The following TRIQK variants were observed in gnomAD, a reference collection of about 807,000 sequenced individuals.
TRIQK encodes the protein triple QxxK/R motif containing.
Under a neutral mutation model 10.8 loss-of-function variants are expected in TRIQK, and 10 were observed. The ratio of observed to expected loss-of-function variants is 0.92; its 90% CI spans 0.57 to 1.57. The LOEUF is 1.57. TRIQK is among the 40% of genes most tolerant of loss of function. TRIQK has a pLI of 0.00. For synonymous variants in TRIQK, 33 were observed against 33.7 expected, an observed-to-expected ratio of 0.98 and a Z score of 0.07; for missense variants, 107 against 97.7, an observed-to-expected ratio of 1.09 and a Z score of -0.40.
At chr8:92,998,317 TAA>T (rs980693543) in intron 1 of TRIQK, among the ~76,000 whole-genome samples, 7 of 152,114 alleles carry the variant, frequency 4.6e-5, no homozygotes, top group Middle Eastern at 3.4e-3. Context: ...TCAGTTATAA[TAA>T]AAAAGAGAGA....
chr8:93,015,632 C>T (rs1813378199), intron 1 of TRIQK, among the ~76,000 whole-genome samples: 1 of 152,008 alleles, frequency 6.6e-6, no homozygotes. Flanking sequence ...AGGGTATTGG[C>T]ATGCTCTCAT....
At chr8:92,988,663 A>G (rs1400971672) in intron 1 of TRIQK, among the ~76,000 whole-genome samples, 1 of 152,208 alleles carries the variant, frequency 6.6e-6, no homozygotes, top group Non-Finnish European at 1.5e-5. Flanking sequence ...AAAATTGGTC[A>G]ACTCAGAAGA....
At chr8:93,001,707 A>C (rs192897514) in intron 1 of TRIQK, among the ~76,000 whole-genome samples, 3 of 152,348 alleles carry the variant, frequency 2.0e-5, no homozygotes, top group African/African-American at 7.2e-5. Context: ...TCAATATACC[A>C]CTTTCAAAGG....
chr8:92,952,313 G>C (rs994449028), intron 2 of TRIQK, among the ~76,000 whole-genome samples: 1 of 151,916 alleles, frequency 6.6e-6, no homozygotes, highest in Non-Finnish European at 1.5e-5. Context: ...CAGAAATGAA[G>C]AGTGCCTTTG....
At chr8:92,997,359 T>G (rs1003995849) in intron 1 of TRIQK, among the ~76,000 whole-genome samples, 12 of 152,042 alleles carry the variant, frequency 7.9e-5, no homozygotes, top group African/African-American at 2.9e-4. Context: ...ATTTGCATAT[T>G]AAAAGAAAGG....
At chr8:92,989,288 T>C (rs1055618396) in intron 1 of TRIQK, among the ~76,000 whole-genome samples, 4 of 152,142 alleles carry the variant, frequency 2.6e-5, no homozygotes, top group Non-Finnish European at 5.9e-5. Flanking sequence ...ATCAAAACCA[T>C]TTAAGCAGGG....
chr8:92,924,718 A>T (rs1810357752), intron 2 of TRIQK, among the ~76,000 whole-genome samples: 1 of 151,866 alleles, frequency 6.6e-6, no homozygotes, highest in South Asian at 2.1e-4. Flanking sequence ...ATGCAGTATT[A>T]TAAGTAATAT....
chr8:92,953,693 T>C (rs1180556764), intron 2 of TRIQK: 1 of 151,956 alleles, frequency 6.6e-6, no homozygotes, highest in Admixed American at 6.6e-5. Context: ...AGAATAACGA[T>C]GAGCAGAGTT....
intron 1 of TRIQK, among the ~76,000 whole-genome samples, chr8:92,976,036 G>T (rs1013110269): frequency 2.6e-5 from 4 of 151,726 alleles, no homozygotes; most frequent in African/African-American, 9.7e-5. Context: ...TACTTTCTAT[G>T]ATTTTCATTA....
chr8:92,959,477 GCA>G (rs1421679595), intron 1 of TRIQK, among the ~76,000 whole-genome samples: 20 of 99,698 alleles, frequency 2.0e-4, no homozygotes, highest in African/African-American at 6.5e-4. Flanking sequence ...TTATATATAT[GCA>G]TACACACACA....
chr8:92,913,242 A>G (rs986778420), intron 3 of TRIQK, among the ~76,000 whole-genome samples: 1 of 152,146 alleles, frequency 6.6e-6, no homozygotes, highest in Non-Finnish European at 1.5e-5. Context: ...AGAAGCATTT[A>G]ACACAAAGTT....
intron 1 of TRIQK, chr8:92,963,893 CAA>C (rs750395280): frequency 1.6e-4 from 16 of 99,324 alleles, no homozygotes; most frequent in Non-Finnish European, 1.5e-4. Flanking sequence ...AACTCCGTCT[CAA>C]AAAAAAAAAA....
chr8:93,009,505 A>G (rs577907319), intron 1 of TRIQK, among the ~76,000 whole-genome samples: 2 of 152,220 alleles, frequency 1.3e-5, no homozygotes, highest in South Asian at 2.1e-4. Context: ...GCTACTCGGG[A>G]GGCTGAGGCA....
At chr8:92,998,933 T>G in intron 1 of TRIQK, among the ~76,000 whole-genome samples, 1 of 151,978 alleles carries the variant, frequency 6.6e-6, no homozygotes, top group East Asian at 1.9e-4. Context: ...CATTAGAAAA[T>G]CTCTCAGGTA....
At chr8:92,984,523 TCTTA>T (rs1184318224) in intron 1 of TRIQK, among the ~76,000 whole-genome samples, 2 of 152,232 alleles carry the variant, frequency 1.3e-5, no homozygotes, top group South Asian at 2.1e-4. Flanking sequence ...ATAATATAGG[TCTTA>T]CTTAATCTAA....
chr8:92,981,394 CAAAT>C (rs899462388), intron 1 of TRIQK, among the ~76,000 whole-genome samples: 27 of 151,810 alleles, frequency 1.8e-4, no homozygotes, highest in Non-Finnish European at 2.9e-4. Context: ...TTGTGTTACA[CAAAT>C]AGTTTATATC....
At chr8:92,917,809 T>C (rs938685483) in intron 2 of TRIQK, among the ~76,000 whole-genome samples, 6 of 151,974 alleles carry the variant, frequency 3.9e-5, no homozygotes, top group East Asian at 3.9e-4. Flanking sequence ...TACTGTACTA[T>C]TGAATACTAG....
chr8:92,973,605 G>A (rs1309813451), intron 1 of TRIQK: 2 of 152,246 alleles, frequency 1.3e-5, no homozygotes, highest in East Asian at 3.9e-4. Flanking sequence ...ATATACAAAG[G>A]TTGACTTTGG....
chr8:92,947,632 C>T (rs1811625489), intron 2 of TRIQK, among the ~76,000 whole-genome samples: 1 of 149,130 alleles, frequency 6.7e-6, no homozygotes, highest in African/African-American at 2.5e-5. Flanking sequence ...TTCTTTTGCC[C>T]TTCACTATTT....
Sources: allele counts gnomAD v4.1 joint callset (sites outside exome capture counted in the v4.1 genomes callset), GRCh38; gene constraint gnomAD v4.1.1; transcripts MANE v1.5; gene names NCBI Gene and HGNC (gene_info 2026-07-23, HGNC 2026-07-21).